CYP39A1: variants seen among roughly 807,000 people sequenced by gnomAD.
CYP39A1 encodes the protein cytochrome P450 family 39 subfamily A member 1, also known as 24-hydroxycholesterol 7-alpha-hydroxylase.
A neutral mutation model predicts 58.1 loss-of-function variants in CYP39A1; 49 were observed. That is an observed-to-expected ratio of 0.84 (90% CI 0.67 to 1.07). The LOEUF is 1.07. CYP39A1 is among the 50% of genes least tolerant of loss of function. The probability of loss-of-function intolerance (pLI) is 0.00; values close to 1 mark genes in which losing one functional copy is unlikely to be tolerated. For missense variants in CYP39A1, 531 were observed against 539.4 expected, an observed-to-expected ratio of 0.98 and a Z score of 0.16; for synonymous variants, 209 against 187.6, an observed-to-expected ratio of 1.11 and a Z score of -0.93.
In CYP39A1 at chr6:46,549,675, G is replaced by T. The variant is rs771087741; in HGVS notation, c.*691C>A. 1 of 152,096 alleles carries T rather than the reference G, an allele frequency of 6.6e-6. No individual in the cohort carries two copies. The highest frequency in any genetic ancestry group is 1.5e-5 in the Non-Finnish European group (1 of 68,014). 9.4% of individuals were successfully genotyped at this position (152,096 alleles called of 1,614,324 possible). A position where few individuals can be genotyped will look rare whatever the true frequency, so the allele number is the denominator to read the frequency against. On this transcript the variant is annotated 3_prime_UTR_variant, in exon 12 of 12. Transcript: ENST00000275016. ...TGCAAACACTTTGAGTCAAAACAATGCTTCCAGGTTAATTAAAATATAAAT... is the reference window on the plus strand; with the variant it reads ...TGCAAACACTTTGAGTCAAAACAATTCTTCCAGGTTAATTAAAATATAAAT...
At chr6:46,604,900 G>C (rs901729697) in intron 7 of CYP39A1, among the ~76,000 whole-genome samples, 14 of 151,588 alleles carry the variant, frequency 9.2e-5, no homozygotes, top group Non-Finnish European at 1.8e-4. Context: ...AATTCTTCTA[G>C]AATACAGGTA....
intron 10 of CYP39A1, among the ~76,000 whole-genome samples, chr6:46,556,099 T>TC (rs749644891): frequency 6.6e-6 from 1 of 152,208 alleles, no homozygotes; most frequent in East Asian, 1.9e-4. Flanking sequence ...AATTGGAATT[T>TC]CCATTCCTGG....
intron 8 of CYP39A1, among the ~76,000 whole-genome samples, chr6:46,590,796 T>C (rs544411624): frequency 9.8e-5 from 15 of 152,326 alleles, no homozygotes; most frequent in Non-Finnish European, 2.1e-4. Flanking sequence ...GAATAACCAA[T>C]TTAATCTTTC....
At chr6:46,579,763 ACC>A (rs1772021466) in intron 10 of CYP39A1, among the ~76,000 whole-genome samples, 1 of 152,056 alleles carries the variant, frequency 6.6e-6, no homozygotes, top group Non-Finnish European at 1.5e-5. Context: ...CACAACAGCC[ACC>A]CACATAAAAT....
chr6:46,623,769 G>T (rs1426630958), intron 7 of CYP39A1, among the ~76,000 whole-genome samples: 1 of 152,100 alleles, frequency 6.6e-6, no homozygotes, highest in East Asian at 1.9e-4. Context: ...CTTGATATCA[G>T]CTTCCAAAGA....
intron 7 of CYP39A1, 85 bp from the exon 8 acceptor site, chr6:46,596,205 G>C: frequency 2.0e-6 from 2 of 1,018,518 alleles, no homozygotes; most frequent in Non-Finnish European, 2.8e-6. Flanking sequence ...GAGGTTAGAT[G>C]TTGCCTCTGA....
chr6:46,554,162 A>G (rs1049818166), intron 10 of CYP39A1, among the ~76,000 whole-genome samples: 17 of 152,254 alleles, frequency 1.1e-4, no homozygotes, highest in Non-Finnish European at 2.2e-4. Context: ...GCCATTAGAT[A>G]CAAGTGGCTA....
In CYP39A1 at chr6:46,550,725, C is replaced by G. The variant is rs145274182; in HGVS notation, c.1339-288G>C. ...TCGCTTTATCTGGCTAAAGAGGTTA[C>G]CACAAATAAGGCTCTTTCTACAATT... is the stretch of plus-strand genomic sequence containing the variant. On this transcript the variant is annotated intron_variant, in intron 11 of 11. Transcript: ENST00000275016. Among the ~76,000 whole-genome samples, 26 of 152,250 alleles carry G rather than the reference C, an allele frequency of 1.7e-4. No homozygotes were observed. In the East Asian group the frequency reaches 4.6e-3, roughly 27 times the overall value.
rs558212374 is a variant in CYP39A1, at chr6:46,550,409, T to A, written c.1367A>T (p.Gln456Leu). 2.5e-6 allele frequency: 4 copies of A among 1,612,366 alleles called. No homozygotes were observed. The South Asian group carries it at 4.4e-5, about 18-fold the overall frequency. Residue 456 changes from glutamine to leucine, a missense_variant, in exon 12 of 12, where the codon CAG (glutamine) becomes CTG (leucine). Physicochemically the swap from Gln to Leu is moderately radical, Grantham distance 113. Transcript: ENST00000275016. ...QSYLHLVGVPQPEGQCRIEYK... is the reference protein window; with the variant it reads ...QSYLHLVGVPLPEGQCRIEYK... ...TTCAATTCGGCATTGCCCTTCCGGCTGGGGGACACCCACCAAATGGAGATA... is the reference window on the plus strand; with the variant it reads ...TTCAATTCGGCATTGCCCTTCCGGCAGGGGGACACCCACCAAATGGAGATA...
chr6:46,595,692 T>C (rs1773106010), intron 8 of CYP39A1, among the ~76,000 whole-genome samples: 1 of 152,056 alleles, frequency 6.6e-6, no homozygotes, highest in African/African-American at 2.4e-5. Context: ...ACATGGTGAC[T>C]ATTCCTAGTA....
intron 5 of CYP39A1, among the ~76,000 whole-genome samples, chr6:46,632,760 TC>T (rs1775738859): frequency 6.6e-6 from 1 of 151,978 alleles, no homozygotes; most frequent in African/African-American, 2.4e-5. Flanking sequence ...TGAGTTAGGA[TC>T]CCAACCCTGT....
intron 8 of CYP39A1, among the ~76,000 whole-genome samples, chr6:46,590,800 ATCTT>A (rs1397135695): frequency 1.3e-5 from 2 of 152,166 alleles, no homozygotes; most frequent in East Asian, 3.9e-4. Flanking sequence ...AACCAATTTA[ATCTT>A]TCTTAGTTCT....
intron 11 of CYP39A1, among the ~76,000 whole-genome samples, chr6:46,552,545 A>C (rs951354043): frequency 4.6e-5 from 7 of 152,172 alleles, no homozygotes; most frequent in Admixed American, 4.6e-4. Context: ...CTCTCCATAC[A>C]TTAGCCTTAT....
At chr6:46,607,172 T>A (rs1429324689) in intron 7 of CYP39A1, among the ~76,000 whole-genome samples, 1 of 152,122 alleles carries the variant, frequency 6.6e-6, no homozygotes, top group East Asian at 1.9e-4. Context: ...GGCCACTGCC[T>A]TAAAGGATCC....
At chr6:46,553,250 T>C (rs1414997653) in intron 11 of CYP39A1, among the ~76,000 whole-genome samples, 1 of 152,192 alleles carries the variant, frequency 6.6e-6, no homozygotes, top group Non-Finnish European at 1.5e-5. Context: ...AGAATAGATC[T>C]ACAGAAAACT....
At chr6:46,558,705 A>T (rs1770792493) in intron 10 of CYP39A1, among the ~76,000 whole-genome samples, 1 of 152,172 alleles carries the variant, frequency 6.6e-6, no homozygotes, top group Non-Finnish European at 1.5e-5. Flanking sequence ...TTAGGAAAAA[A>T]GGTGATTGTC....
chr6:46,552,119 C>T (rs1770433129), intron 11 of CYP39A1, among the ~76,000 whole-genome samples: 1 of 152,170 alleles, frequency 6.6e-6, no homozygotes, highest in African/African-American at 2.4e-5. Flanking sequence ...GTCAAAATTA[C>T]TAATCTCCAT....
rs756627668 is a variant in CYP39A1 at position 46,631,028 on chromosome 6, T to C, written c.775A>G (p.Ser259Gly). 2.5e-6 allele frequency: 4 copies of C among 1,613,960 alleles called. No homozygotes were observed. Among genetic ancestry groups the C allele is most frequent in the African/African-American group, 2.7e-5 (2 of 74,908 alleles). Residue 259 changes from serine to glycine, a missense_variant, in exon 6 of 12, where the codon AGT becomes GGT. Coordinates refer to ENST00000275016, the MANE Select transcript of CYP39A1 (RefSeq NM_016593.5). ...CCATAATTGGGTGAGTTTTCCTTACTTGTTTCCGTCTCTACAATATCCAGC... is the reference window on the plus strand; with the variant it reads ...CCATAATTGGGTGAGTTTTCCTTACCTGTTTCCGTCTCTACAATATCCAGC... ...ATLDIVETET[S>G]KENSPNYGLL...
chr6:46,550,896 T>A (rs79725669), intron 11 of CYP39A1, among the ~76,000 whole-genome samples: 3,322 of 152,022 alleles, frequency 0.022, 60 homozygotes, highest in Non-Finnish European at 0.033. Context: ...TAAAGATATA[T>A]TTTTTTTGAG....
Sources: gnomAD v4.1 joint callset for allele counts (sites outside exome capture counted in the v4.1 genomes callset) on GRCh38, gnomAD v4.1.1 for gene constraint, MANE v1.5 for transcripts, NCBI Gene and HGNC (gene_info 2026-07-23, HGNC 2026-07-21) for gene names.